Variants in MAST2 observed in about 807,000 individuals in gnomAD.
MAST2 encodes microtubule associated serine/threonine kinase 2.
Under a neutral mutation model 147.4 loss-of-function variants are expected in MAST2, and 70 were observed. That is an observed-to-expected ratio of 0.47 (90% CI 0.39 to 0.58). The LOEUF is 0.58. MAST2 is among the 20% of genes least tolerant of loss of function. The pLI is 0.00. For synonymous variants in MAST2, 869 were observed against 896.8 expected (o/e 0.97, Z 0.55); for missense variants, 2,080 against 2,302.3 (o/e 0.90, Z 1.98).
At chr1:45,907,794 C>A (rs1303624695) in intron 4 of MAST2, among the ~76,000 whole-genome samples, 1 of 152,148 alleles carries the variant, frequency 6.6e-6, no homozygotes, top group Non-Finnish European at 1.5e-5. Flanking sequence ...CTTCTAAATA[C>A]TTCATATCAG....
intron 4 of MAST2, among the ~76,000 whole-genome samples, chr1:45,921,116 C>T (rs1291263912): frequency 2.0e-5 from 3 of 152,194 alleles, no homozygotes; most frequent in African/African-American, 7.2e-5. Flanking sequence ...CTGCCTCAGC[C>T]TCCTGAGTAG....
At chr1:45,852,444 C>T (rs1213728360) in intron 3 of MAST2, among the ~76,000 whole-genome samples, 1 of 152,154 alleles carries the variant, frequency 6.6e-6, no homozygotes, top group Non-Finnish European at 1.5e-5. Flanking sequence ...TCACTGCAGC[C>T]TCCATCTCCC....
chr1:45,853,842 C>A (rs7547189), intron 3 of MAST2, among the ~76,000 whole-genome samples: 51,627 of 151,704 alleles, frequency 0.34, 9,173 homozygotes, highest in African/African-American at 0.44. Flanking sequence ...ATTTTCTCCT[C>A]TGTGTTCTTT....
chr1:45,907,907 G>A (rs1420174161), intron 4 of MAST2, among the ~76,000 whole-genome samples: 3 of 151,918 alleles, frequency 2.0e-5, no homozygotes, highest in Admixed American at 6.6e-5. Context: ...TGAACTTTTT[G>A]TCTATTTTAA....
chr1:45,991,437 G>C (rs1458550128), intron 5 of MAST2, among the ~76,000 whole-genome samples: 1 of 152,128 alleles, frequency 6.6e-6, no homozygotes, highest in Non-Finnish European at 1.5e-5. Flanking sequence ...CTTGGATTTT[G>C]ATTGGGATTG....
chr1:45,858,790 A>G (rs987422117), intron 3 of MAST2, among the ~76,000 whole-genome samples: 14 of 151,680 alleles, frequency 9.2e-5, no homozygotes, highest in Non-Finnish European at 1.9e-4. Flanking sequence ...TAATTTTTGT[A>G]TAAGGTGTAA....
intron 5 of MAST2, among the ~76,000 whole-genome samples, chr1:45,969,278 G>A (rs1367857706): frequency 6.6e-6 from 1 of 152,136 alleles, no homozygotes; most frequent in Non-Finnish European, 1.5e-5. Flanking sequence ...GATGAACTGA[G>A]TAAAAGTAGC....
At chr1:45,837,215 T>C (rs1237356375) in intron 3 of MAST2, among the ~76,000 whole-genome samples, 1 of 152,190 alleles carries the variant, frequency 6.6e-6, no homozygotes, top group Non-Finnish European at 1.5e-5. Flanking sequence ...TAACAGGCCA[T>C]GGACCTGGTA....
intron 4 of MAST2, among the ~76,000 whole-genome samples, chr1:45,915,743 G>T (rs1652410379): frequency 6.6e-6 from 1 of 150,582 alleles, no homozygotes; most frequent in African/African-American, 2.4e-5. Context: ...AATGAAGTTT[G>T]GCTTTCATAG....
intron 3 of MAST2, among the ~76,000 whole-genome samples, chr1:45,876,393 A>G (rs1237159574): frequency 6.6e-6 from 1 of 152,240 alleles, no homozygotes; most frequent in South Asian, 2.1e-4. Flanking sequence ...AAGCTGGAAT[A>G]GACTTGAATG....
At chr1:45,941,137 C>T (rs1281745469) in intron 4 of MAST2, among the ~76,000 whole-genome samples, 1 of 152,112 alleles carries the variant, frequency 6.6e-6, no homozygotes, top group East Asian at 1.9e-4. Context: ...TTCCTCTTGT[C>T]TTGATTCTAC....
In MAST2 at chr1:46,031,792, G is replaced by A. The variant is rs1231592220; in HGVS notation, c.3187+207G>A. Among the ~76,000 whole-genome samples, 1 of 152,168 alleles carries A rather than the reference G, an allele frequency of 6.6e-6. No homozygotes were observed. The highest frequency in any genetic ancestry group is 1.5e-5 in the Non-Finnish European group (1 of 68,032). ...ACCATGTCACAAGTGCAGGCTTTGG[G>A]GTAGAGAGCTCACACTCAAATCCTG... is the stretch of plus-strand genomic sequence containing the variant. On this transcript the variant is annotated intron_variant, in intron 24 of 28. Coordinates refer to ENST00000361297, the MANE Select transcript of MAST2 (RefSeq NM_015112.3). The surrounding 1 kb of genome is among the most constrained non-coding windows in gnomAD (Gnocchi z 4.1).
intron 5 of MAST2, among the ~76,000 whole-genome samples, chr1:45,994,548 A>G (rs1644979602): frequency 6.6e-6 from 1 of 151,908 alleles, no homozygotes; most frequent in Non-Finnish European, 1.5e-5. Context: ...CGGCCTCCCA[A>G]AGTGCTAGGT....
intron 5 of MAST2, among the ~76,000 whole-genome samples, chr1:45,960,111 A>T (rs912105273): frequency 1.3e-5 from 2 of 152,164 alleles, no homozygotes; most frequent in Non-Finnish European, 2.9e-5. Context: ...TACATACTGG[A>T]ATTAAAGCAA....
At position 46,023,378 on chromosome 1, in the gene MAST2, C is replaced by T; in HGVS notation, c.1571+60C>T. On this transcript the variant is annotated intron_variant, in intron 14 of 28. Transcript: ENST00000361297. This position sits in a 1 kb window ranked among gnomAD's most constrained non-coding sequence, Gnocchi z 4.9. Reference sequence around the variant, plus strand: ...AGCCGGGTCAGCCTTTGATCTCTTCCATGTGAGAGTGTATGCTGCCCAGTC... The same window carrying T: ...AGCCGGGTCAGCCTTTGATCTCTTCTATGTGAGAGTGTATGCTGCCCAGTC... 6 of 1,472,980 alleles carry T rather than the reference C, an allele frequency of 4.1e-6. No homozygotes were observed. Among genetic ancestry groups the T allele is most frequent in the Non-Finnish European group, 5.7e-6 (6 of 1,052,898 alleles). 91.2% of individuals were successfully genotyped at this position (1,472,980 alleles called of 1,614,324 possible). A position where few individuals can be genotyped will look rare whatever the true frequency, so the allele number is the denominator to read the frequency against.
Position 46,030,733 on chromosome 1 carries a change from C to A in MAST2, c.2680C>A (p.Arg894=). Residue 894 remains arginine (R), a synonymous_variant, in exon 22 of 29, where the codon CGG becomes AGG. Coordinates refer to ENST00000361297, the MANE Select transcript of MAST2 (RefSeq NM_015112.3). ...DGLAGLKGRD[R]SWVIGSPEIL... is the part of the protein sequence containing the mutation. ...CCTGGCAGGGCTCAAAGGCCGAGAC[C>A]GGAGCTGGGTGATTGGCTCCCCTGA... The A allele has an allele frequency of 1.3e-6, 2 of 1,593,298 alleles. No individual in the cohort carries two copies. Among genetic ancestry groups the A allele is most frequent in the Non-Finnish European group, 1.7e-6 (2 of 1,172,834 alleles).
intron 5 of MAST2, among the ~76,000 whole-genome samples, chr1:45,981,033 T>A (rs1427144862): frequency 6.6e-6 from 1 of 152,052 alleles, no homozygotes; most frequent in East Asian, 1.9e-4. Flanking sequence ...GAAATCAGCC[T>A]CCCCCACATT....
At position 46,031,670 on chromosome 1, in the gene MAST2, T is replaced by G. The variant is rs1571294144; in HGVS notation, c.3187+85T>G. ...TTGGGAGGGTTCTGCACGTGGCAGG[T>G]GTGTGTGTGTGTGTTAAGCACAGAT... is the stretch of plus-strand genomic sequence containing the variant. On this transcript the variant is annotated intron_variant, in intron 24 of 28. Transcript: ENST00000361297. The surrounding 1 kb of genome is among the most constrained non-coding windows in gnomAD (Gnocchi z 4.1). The G allele has an allele frequency of 1.1e-6, 1 of 897,440 alleles. No homozygotes were observed. Among genetic ancestry groups the G allele is most frequent in the Non-Finnish European group, 1.6e-6 (1 of 631,804 alleles). The allele number at this position is 897,440 out of a possible 1,614,324, so 55.6% of individuals were successfully genotyped here. A position where few individuals can be genotyped will look rare whatever the true frequency, so the allele number is the denominator to read the frequency against.
intron 4 of MAST2, among the ~76,000 whole-genome samples, chr1:45,904,609 A>G (rs1375877040): frequency 1.3e-5 from 2 of 151,776 alleles, no homozygotes; most frequent in Non-Finnish European, 2.9e-5. Context: ...GGGACTATAG[A>G]CACATGCCAC....
Sources: allele counts gnomAD v4.1 joint callset (sites outside exome capture counted in the v4.1 genomes callset), GRCh38; gene constraint gnomAD v4.1.1; non-coding constraint Gnocchi (gnomAD v3.1); transcripts MANE v1.5; gene names NCBI Gene and HGNC (gene_info 2026-07-23, HGNC 2026-07-21).